The following CFAP54 variants were observed in gnomAD, a reference collection of about 807,000 sequenced individuals.
CFAP54 encodes cilia and flagella associated protein 54, also known as cilia- and flagella-associated protein 54.
Under a neutral mutation model 370.4 loss-of-function variants are expected in CFAP54, and 290 were observed. That is an observed-to-expected ratio of 0.78 (90% CI 0.71 to 0.86). The LOEUF (loss-of-function observed/expected upper bound fraction) is 0.86. CFAP54 is among the 40% of genes least tolerant of loss of function. The pLI, the probability that CFAP54 is intolerant of heterozygous loss-of-function variation, is 0.00. For synonymous variants in CFAP54, 1,206 were observed against 1,236.5 expected (o/e 0.98, Z 0.52); for missense variants, 3,399 against 3,528.7 (o/e 0.96, Z 0.93).
At chr12:96,640,115 A>G (rs1032542187) in intron 32 of CFAP54, among the ~76,000 whole-genome samples, 1 of 152,148 alleles carries the variant, frequency 6.6e-6, no homozygotes, top group Non-Finnish European at 1.5e-5. Flanking sequence ...AGGGTATTCA[A>G]TTAGGAAAAG....
At chr12:96,640,835 C>T (rs1295153794) in intron 32 of CFAP54, among the ~76,000 whole-genome samples, 1 of 152,150 alleles carries the variant, frequency 6.6e-6, no homozygotes, top group Non-Finnish European at 1.5e-5. Flanking sequence ...AAAGGATTCC[C>T]TATTTAATAA....
intron 9 of CFAP54, among the ~76,000 whole-genome samples, chr12:96,530,628 C>T (rs1955431468): frequency 6.6e-6 from 1 of 152,164 alleles, no homozygotes; most frequent in Non-Finnish European, 1.5e-5. Context: ...AATAAAGCTG[C>T]TATGAACAGT....
chr12:96,867,955 A>G (rs1960047339), intron 67 of CFAP54, among the ~76,000 whole-genome samples: 1 of 152,194 alleles, frequency 6.6e-6, no homozygotes, highest in South Asian at 2.1e-4. Flanking sequence ...GTCTCGATTT[A>G]CCTATTCTAT....
intron 50 of CFAP54, among the ~76,000 whole-genome samples, chr12:96,733,014 A>C (rs1565958189): frequency 6.6e-6 from 1 of 152,174 alleles, no homozygotes; most frequent in Non-Finnish European, 1.5e-5. Flanking sequence ...GGAAGAATGA[A>C]ATGAGAAACT....
At chr12:96,638,568 T>G (rs1450728837) in intron 32 of CFAP54, among the ~76,000 whole-genome samples, 2 of 152,158 alleles carry the variant, frequency 1.3e-5, no homozygotes, top group Non-Finnish European at 2.9e-5. Context: ...AAAATTGTTT[T>G]CATTCTCATT....
At chr12:96,612,585 C>A (rs1052007515) in intron 26 of CFAP54, among the ~76,000 whole-genome samples, 10 of 152,176 alleles carry the variant, frequency 6.6e-5, no homozygotes, top group African/African-American at 2.2e-4. Context: ...TTAAAAGACA[C>A]AGACTGGCAA....
At chr12:96,558,113 G>C (rs899936152) in intron 17 of CFAP54, among the ~76,000 whole-genome samples, 1 of 152,146 alleles carries the variant, frequency 6.6e-6, no homozygotes, top group Non-Finnish European at 1.5e-5. Flanking sequence ...TAATGTTCCA[G>C]TTCTGGTGCT....
chr12:96,595,003 T>G (rs1444829943), intron 25 of CFAP54, among the ~76,000 whole-genome samples: 2 of 152,210 alleles, frequency 1.3e-5, no homozygotes, highest in Non-Finnish European at 2.9e-5. Flanking sequence ...GAATATGGGT[T>G]AGCTGGGTCT....
intron 55 of CFAP54, among the ~76,000 whole-genome samples, chr12:96,752,592 G>A (rs1326195983): frequency 6.6e-6 from 1 of 151,956 alleles, no homozygotes; most frequent in Non-Finnish European, 1.5e-5. Flanking sequence ...CAACTTTTTT[G>A]TTCTTTAAAA....
chr12:96,549,873 C>T (rs906665877), intron 15 of CFAP54, among the ~76,000 whole-genome samples: 12 of 152,028 alleles, frequency 7.9e-5, no homozygotes, highest in Admixed American at 2.0e-4. Context: ...GGAAAAATGA[C>T]GGTTTATTGT....
chr12:96,824,935 G>A (rs1196396586), intron 65 of CFAP54, among the ~76,000 whole-genome samples: 1 of 151,762 alleles, frequency 6.6e-6, no homozygotes, highest in African/African-American at 2.4e-5. Flanking sequence ...AACTCTCACT[G>A]CCATGGTTCC....
chr12:96,526,198 A>G (rs375754393), intron 8 of CFAP54, among the ~76,000 whole-genome samples: 1 of 152,232 alleles, frequency 6.6e-6, no homozygotes, highest in South Asian at 2.1e-4. Context: ...AGAAAAGCCT[A>G]CTAAAACTAC....
intron 39 of CFAP54, among the ~76,000 whole-genome samples, chr12:96,674,216 G>GA (rs1365706708): frequency 2.0e-5 from 3 of 152,156 alleles, no homozygotes; most frequent in East Asian, 1.9e-4. Context: ...TCGAGTGTAG[G>GA]AAGCAGCCCA....
intron 12 of CFAP54, among the ~76,000 whole-genome samples, chr12:96,536,718 C>T (rs1233607942): frequency 1.3e-5 from 2 of 151,210 alleles, no homozygotes; most frequent in Non-Finnish European, 2.9e-5. Context: ...CCTCTGCCTC[C>T]CAGTTTCAAG....
intron 32 of CFAP54, among the ~76,000 whole-genome samples, chr12:96,631,415 C>A (rs1956606164): frequency 6.6e-6 from 1 of 151,764 alleles, no homozygotes; most frequent in African/African-American, 2.4e-5. Context: ...ATTCATATGT[C>A]AACCACATAT....
intron 66 of CFAP54, among the ~76,000 whole-genome samples, chr12:96,851,350 G>A (rs1959540760): frequency 6.6e-6 from 1 of 151,944 alleles, no homozygotes; most frequent in South Asian, 2.1e-4. Context: ...TATTTAGGTG[G>A]TTTCCTAATT....
chr12:96,791,798 A>G (rs1958697944), intron 62 of CFAP54, among the ~76,000 whole-genome samples: 1 of 151,662 alleles, frequency 6.6e-6, no homozygotes. Context: ...TGTAAGACTT[A>G]CCAGAGTGGA....
chr12:96,657,854 A>ATT, intron 36 of CFAP54, 28 bp from the exon 37 acceptor site: 4 of 1,320,126 alleles, frequency 3.0e-6, no homozygotes, highest in South Asian at 1.4e-5. Context: ...GAAATTACAC[A>ATT]TTTTTTTTTT....
chr12:96,693,499 T>C (rs536409483), intron 44 of CFAP54, among the ~76,000 whole-genome samples: 1 of 152,330 alleles, frequency 6.6e-6, no homozygotes, highest in South Asian at 2.1e-4. Flanking sequence ...AAATGGCATC[T>C]ACTGGGAACT....
Sources: gnomAD v4.1 joint callset for allele counts (sites outside exome capture counted in the v4.1 genomes callset) on GRCh38, gnomAD v4.1.1 for gene constraint, MANE v1.5 for transcripts, NCBI Gene and HGNC (gene_info 2026-07-23, HGNC 2026-07-21) for gene names.